Variants in TAFA2 observed in about 807,000 individuals in gnomAD.
TAFA2 encodes chemokine-like protein TAFA-2.
Under a neutral mutation model 18.8 loss-of-function variants are expected in TAFA2, and 7 were observed. The observed-to-expected ratio is 0.37, with a 90% CI of 0.21 to 0.70. TAFA2 has a LOEUF of 0.70. Among genes scored for constraint, TAFA2 ranks in the 30% least tolerant of loss-of-function variants. The pLI, the probability that TAFA2 is intolerant of heterozygous loss-of-function variation, is 0.53. For missense variants in TAFA2, 122 were observed against 158.1 expected (o/e 0.77, Z 1.23); for synonymous variants, 60 against 54.2 (o/e 1.11, Z -0.47).
At chr12:62,145,752 T>C (rs2062275860) in intron 1 of TAFA2, 2 of 152,268 alleles carry the variant, frequency 1.3e-5, no homozygotes, top group South Asian at 4.1e-4. Context: ...CCTCACTCTC[T>C]TGGTGAGGCA....
At chr12:61,985,009 G>T (rs1188227564) in intron 1 of TAFA2, among the ~76,000 whole-genome samples, 8 of 152,302 alleles carry the variant, frequency 5.3e-5, no homozygotes, top group Middle Eastern at 6.8e-3. Flanking sequence ...TTTAAATACT[G>T]TCCTAGAATT....
At chr12:61,952,472 AG>A (rs1231562541) in intron 1 of TAFA2, among the ~76,000 whole-genome samples, 1 of 152,068 alleles carries the variant, frequency 6.6e-6, no homozygotes, top group Non-Finnish European at 1.5e-5. Flanking sequence ...TAGTAAGTCA[AG>A]TTAACTTATT....
intron 1 of TAFA2, among the ~76,000 whole-genome samples, chr12:62,113,538 T>G (rs962154055): frequency 6.6e-6 from 1 of 152,190 alleles, no homozygotes; most frequent in Non-Finnish European, 1.5e-5. Context: ...GGAGATCCAC[T>G]GCTCTTCTGA....
chr12:62,024,887 T>C (rs1360778841), intron 1 of TAFA2, among the ~76,000 whole-genome samples: 1 of 151,908 alleles, frequency 6.6e-6, no homozygotes, highest in African/African-American at 2.4e-5. Context: ...ATCAGAGAAA[T>C]GTAAATCAAA....
At chr12:61,959,604 G>C (rs1477372353) in intron 1 of TAFA2, among the ~76,000 whole-genome samples, 1 of 152,012 alleles carries the variant, frequency 6.6e-6, no homozygotes, top group Non-Finnish European at 1.5e-5. Context: ...CAAAGAAGTA[G>C]AGCAACAACA....
chr12:62,130,520 G>C (rs1421553775), intron 1 of TAFA2, among the ~76,000 whole-genome samples: 1 of 151,892 alleles, frequency 6.6e-6, no homozygotes, highest in East Asian at 1.9e-4. Flanking sequence ...GGGTGTATGG[G>C]GGTAGGGAAA....
chr12:62,233,055 T>A lies in TAFA2; in HGVS notation c.-130+25708A>T, dbSNP rs1403180988. ...TCCTCACTATTTGTCCTCCCAGCAA[T>A]TTCTGCATCTCTTTTTTTTTTTTTT... On this transcript the variant is annotated intron_variant, in intron 1 of 5. Transcript: ENST00000551619. Among the ~76,000 whole-genome samples the A allele has an allele frequency of 7.5e-5, 11 of 145,756 alleles. No individual in the cohort carries two copies. The East Asian group carries it at 2.2e-3, about 29-fold the overall frequency.
At chr12:61,926,948 G>A (rs1877321847) in intron 1 of TAFA2, among the ~76,000 whole-genome samples, 1 of 151,778 alleles carries the variant, frequency 6.6e-6, no homozygotes. Context: ...GGTGGCACAT[G>A]CCTGTAGTCC....
chr12:62,009,232 TA>T (rs1880651999), intron 1 of TAFA2, among the ~76,000 whole-genome samples: 1 of 152,214 alleles, frequency 6.6e-6, no homozygotes, highest in Non-Finnish European at 1.5e-5. Flanking sequence ...GGGGGCATCA[TA>T]AGGCCAAAAG....
chr12:62,106,882 C>T (rs1264244526), intron 1 of TAFA2, among the ~76,000 whole-genome samples: 1 of 17,030 alleles, frequency 5.9e-5, no homozygotes, highest in African/African-American at 1.0e-4. Flanking sequence ...AAAGGATCAC[C>T]GTACCTTTTT....
chr12:61,940,436 C>T (rs548325516), intron 1 of TAFA2, among the ~76,000 whole-genome samples: 96 of 152,184 alleles, frequency 6.3e-4, no homozygotes, highest in Non-Finnish European at 1.2e-3. Context: ...TTACACATTT[C>T]GGCACTACAC....
intron 4 of TAFA2, among the ~76,000 whole-genome samples, chr12:61,749,352 C>T (rs1868898479): frequency 6.6e-6 from 1 of 152,002 alleles, no homozygotes; most frequent in African/African-American, 2.4e-5. Flanking sequence ...TCCTTGTGGG[C>T]TTGGATCAAG....
chr12:61,903,283 C>T (rs902043701), intron 1 of TAFA2, among the ~76,000 whole-genome samples: 1 of 152,094 alleles, frequency 6.6e-6, no homozygotes, highest in Non-Finnish European at 1.5e-5. Context: ...ATCCTTCTCC[C>T]CCTCCCTCAC....
At chr12:61,866,451 T>G (rs1470148036) in intron 2 of TAFA2, among the ~76,000 whole-genome samples, 3 of 152,238 alleles carry the variant, frequency 2.0e-5, no homozygotes, top group Non-Finnish European at 4.4e-5. Context: ...CTAGACTTTA[T>G]AGTGGGCAGA....
chr12:62,059,883 G>T (rs1399913649), intron 1 of TAFA2, among the ~76,000 whole-genome samples: 2 of 151,904 alleles, frequency 1.3e-5, no homozygotes, highest in East Asian at 3.9e-4. Context: ...ATTTTAATTT[G>T]AACTTTTATT....
intron 1 of TAFA2, among the ~76,000 whole-genome samples, chr12:61,985,758 C>T (rs186310374): frequency 1.6e-4 from 25 of 152,208 alleles, no homozygotes; most frequent in Admixed American, 3.9e-4. Flanking sequence ...TTTATTTCCA[C>T]GGAATTATGA....
chr12:61,871,475 G>A (rs1385810184), intron 1 of TAFA2, among the ~76,000 whole-genome samples: 1 of 152,142 alleles, frequency 6.6e-6, no homozygotes. Flanking sequence ...TGTGAAAACG[G>A]CAAAATTTAA....
chr12:61,814,966 C>G (rs1872018329), intron 2 of TAFA2, among the ~76,000 whole-genome samples: 1 of 151,460 alleles, frequency 6.6e-6, no homozygotes, highest in South Asian at 2.1e-4. Flanking sequence ...GATTGCAGCC[C>G]AATTCATTTT....
rs151330566 is a variant in TAFA2 at position 62,087,649 on chromosome 12, G to C, written c.-2+103610C>G. Among the ~76,000 whole-genome samples, 866 of 152,218 alleles carry C rather than the reference G, an allele frequency of 5.7e-3. 11 individuals are homozygous for C. The highest frequency in any genetic ancestry group is 0.02 in the African/African-American group (813 of 41,534). ...GACCTACAAGGGATAGGTAAGATGT[G>C]GTAGGCCAGGGAAGGAGCCTAGATT... On this transcript the variant is annotated intron_variant, in intron 1 of 4. Transcript: ENST00000416284.
Sources: gnomAD v4.1 joint callset for allele counts (sites outside exome capture counted in the v4.1 genomes callset) on GRCh38, gnomAD v4.1.1 for gene constraint, MANE v1.5 for transcripts, NCBI Gene and HGNC (gene_info 2026-07-23, HGNC 2026-07-21) for gene names.